The following USP32 variants were observed in gnomAD, a reference collection of about 807,000 sequenced individuals.
USP32 encodes ubiquitin specific peptidase 32.
In USP32, 59 loss-of-function variants were observed where a neutral mutation model predicts 204.8. The observed-to-expected ratio is 0.29, with a 90% CI of 0.23 to 0.36. USP32 has a LOEUF of 0.36. Ranked by LOEUF, USP32 falls within the 10% of genes least tolerant of loss-of-function variation. The pLI is 1.00. For missense variants in USP32, 1,160 were observed against 1,946.4 expected (o/e 0.60, Z 7.60); for synonymous variants, 517 against 678.4 (o/e 0.76, Z 3.70).
intron 29 of USP32, chr17:60,185,860 G>A (rs533005918): frequency 7.5e-5 from 37 of 493,194 alleles, no homozygotes; most frequent in Admixed American, 1.3e-4. Context: ...CCAGGAGTTC[G>A]AAACCAGCCT....
intron 33 of USP32, 138 bp downstream of exon 33, chr17:60,180,407 T>C: frequency 1.0e-6 from 1 of 978,704 alleles, no homozygotes; most frequent in Non-Finnish European, 1.5e-6. Flanking sequence ...GTTCCTTTAA[T>C]ACTGACAGCA....
upstream of USP32, among the ~76,000 whole-genome samples, chr17:60,392,835 C>T (rs922756125): frequency 6.6e-6 from 1 of 152,088 alleles, no homozygotes; most frequent in African/African-American, 2.4e-5. Context: ...CCACCTTCTC[C>T]TCCTGACCAT....
At chr17:60,391,412 G>C (rs1385919622) in intron 1 of USP32, among the ~76,000 whole-genome samples, 1 of 152,224 alleles carries the variant, frequency 6.6e-6, no homozygotes, top group African/African-American at 2.4e-5. Context: ...GATACGAAGG[G>C]GCTTCCAGTA....
chr17:60,182,266 C>A (rs1381689385), intron 31 of USP32, among the ~76,000 whole-genome samples: 1 of 152,122 alleles, frequency 6.6e-6, no homozygotes, highest in Non-Finnish European at 1.5e-5. Flanking sequence ...TTATTGAGAA[C>A]CTTTAGAACT....
At chr17:60,190,769 C>A (rs2084360123) in intron 28 of USP32, 86 bp from the exon 29 acceptor site, 2 of 1,528,648 alleles carry the variant, frequency 1.3e-6, no homozygotes, top group Non-Finnish European at 1.7e-6. Flanking sequence ...TCCCTTCCTA[C>A]TTTTCTGCTT....
intron 5 of USP32, 63 bp from the exon 6 acceptor site, chr17:60,271,544 T>C (rs900130432): frequency 1.5e-5 from 23 of 1,528,240 alleles, no homozygotes; most frequent in Middle Eastern, 1.7e-4. Context: ...GTTCAGTTCA[T>C]CCTGATAATA....
chr17:60,295,524 C>T (rs2087406194), intron 3 of USP32, among the ~76,000 whole-genome samples: 1 of 152,184 alleles, frequency 6.6e-6, no homozygotes, highest in Non-Finnish European at 1.5e-5. Context: ...TTAAATTGCA[C>T]ACTGTTCTGA....
At chr17:60,222,667 G>C in intron 14 of USP32, 118 bp from the exon 15 acceptor site, 3 of 838,480 alleles carry the variant, frequency 3.6e-6, no homozygotes, top group Non-Finnish European at 5.3e-6. Flanking sequence ...CATGTTGCTG[G>C]AAAAACTTAA....
At chr17:60,390,069 T>C (rs1281020145) in intron 1 of USP32, among the ~76,000 whole-genome samples, 1 of 152,076 alleles carries the variant, frequency 6.6e-6, no homozygotes, top group Non-Finnish European at 1.5e-5. Flanking sequence ...TTAACAAAGA[T>C]TTTGCTATCT....
intron 12 of USP32, among the ~76,000 whole-genome samples, chr17:60,234,789 C>T (rs1394075717): frequency 2.0e-5 from 3 of 151,624 alleles, no homozygotes; most frequent in Non-Finnish European, 2.9e-5. Context: ...GTTGCCCAGG[C>T]TGGTCTTGAA....
intron 16 of USP32, among the ~76,000 whole-genome samples, chr17:60,217,113 A>G (rs1471174919): frequency 6.6e-6 from 1 of 152,220 alleles, no homozygotes; most frequent in Non-Finnish European, 1.5e-5. Flanking sequence ...TGAGTTTTAG[A>G]AAGTTTTTAT....
intron 1 of USP32, among the ~76,000 whole-genome samples, chr17:60,369,022 TCTCG>T (rs2089379534): frequency 8.3e-6 from 1 of 120,810 alleles, no homozygotes; most frequent in Non-Finnish European, 1.5e-5. Context: ...TGAGACGGAG[TCTCG>T]CTCTGTCGCC....
intron 1 of USP32, among the ~76,000 whole-genome samples, chr17:60,389,077 A>C (rs766845183): frequency 3.9e-5 from 6 of 152,180 alleles, no homozygotes; most frequent in Non-Finnish European, 4.4e-5. Context: ...AGTTTTGTCA[A>C]GCTTGTTTTG....
At chr17:60,230,146 T>C (rs1039759349) in intron 12 of USP32, among the ~76,000 whole-genome samples, 3 of 152,206 alleles carry the variant, frequency 2.0e-5, no homozygotes, top group Non-Finnish European at 4.4e-5. Flanking sequence ...TGTAGTAATA[T>C]ATTTTGAGGA....
intron 1 of USP32, among the ~76,000 whole-genome samples, chr17:60,391,446 G>C (rs1460770114): frequency 6.6e-6 from 1 of 152,180 alleles, no homozygotes; most frequent in Non-Finnish European, 1.5e-5. Flanking sequence ...CTTTGCAGCC[G>C]CCTCCTCGTC....
chr17:60,252,473 T>C lies in USP32; in HGVS notation c.1075-31A>G, dbSNP rs772500052. 2.6e-5 allele frequency: 40 copies of C among 1,547,220 alleles called. No individual in the cohort carries two copies. The South Asian group carries it at 4.7e-4, about 18-fold the overall frequency. The stretch of plus-strand genomic sequence containing the variant: ...GAAAAAAATGGTAAATCAAAGTTTA[T>C]TAACTGCATAATATTTCACATTATC... On this transcript the variant is annotated intron_variant, in intron 10 of 33. Coordinates refer to ENST00000300896, the MANE Select transcript of USP32 (RefSeq NM_032582.4).
At chr17:60,269,238 T>G (rs62084569) in intron 7 of USP32, among the ~76,000 whole-genome samples, 1 of 152,116 alleles carries the variant, frequency 6.6e-6, no homozygotes, top group Non-Finnish European at 1.5e-5. Context: ...CCATTGTTAA[T>G]AGCAAATATC....
chr17:60,227,816 T>C (rs1167060916), intron 12 of USP32, among the ~76,000 whole-genome samples: 1 of 152,182 alleles, frequency 6.6e-6, no homozygotes, highest in Non-Finnish European at 1.5e-5. Context: ...GTTCCTTGTC[T>C]GTTACCACTG....
At chr17:60,227,838 T>C (rs182032045) in intron 12 of USP32, among the ~76,000 whole-genome samples, 1 of 152,298 alleles carries the variant, frequency 6.6e-6, no homozygotes, top group Admixed American at 6.5e-5. Flanking sequence ...TTCACTTTAG[T>C]AGCCAAAAAA....
Sources: gnomAD v4.1 joint callset for allele counts (sites outside exome capture counted in the v4.1 genomes callset) on GRCh38, gnomAD v4.1.1 for gene constraint, MANE v1.5 for transcripts, NCBI Gene and HGNC (gene_info 2026-07-23, HGNC 2026-07-21) for gene names.